Variants in CDH13 observed in about 807,000 individuals in gnomAD.
The protein encoded by CDH13 is cadherin 13.
A neutral mutation model predicts 63.8 loss-of-function variants in CDH13; 24 were observed. The observed-to-expected ratio is 0.38, with a 90% CI of 0.27 to 0.53. The LOEUF (loss-of-function observed/expected upper bound fraction) is 0.53, where lower values mean the gene tolerates loss of function less well. CDH13 is among the 20% of genes least tolerant of loss of function. CDH13 has a pLI of 0.85. For synonymous variants in CDH13, 503 were observed against 355.3 expected (o/e 1.42, Z -4.67); for missense variants, 1,049 against 903.1 (o/e 1.16, Z -2.07).
At position 83,019,863 on chromosome 16, in the gene CDH13, A is replaced by G. The variant is rs912766280; in HGVS notation, c.158-12147A>G. 1.3e-4 allele frequency among the ~76,000 whole-genome samples: 20 copies of G among 151,726 alleles called. 1 individual carries two copies. Among genetic ancestry groups the G allele is most frequent in the African/African-American group, 4.6e-4 (19 of 41,322 alleles). On this transcript the variant is annotated intron_variant, in intron 2 of 13. Transcript: ENST00000567109. ...AAAAAAAAAAAAAAAAACAATAAAA[A>G]CGATAGTATATTAAATATATAAACC...
intron 2 of CDH13, among the ~76,000 whole-genome samples, chr16:82,924,558 G>T (rs8050643): frequency 0.36 from 55,114 of 151,876 alleles, 11,006 homozygotes; most frequent in Non-Finnish European, 0.45. Flanking sequence ...TATCTGTGTT[G>T]TCAATCGTGT....
intron 1 of CDH13, among the ~76,000 whole-genome samples, chr16:82,680,263 A>T (rs981630558): frequency 6.6e-6 from 1 of 152,226 alleles, no homozygotes; most frequent in Non-Finnish European, 1.5e-5. Flanking sequence ...TACTGAGCAC[A>T]TCCTACATGT....
intron 1 of CDH13, among the ~76,000 whole-genome samples, chr16:82,658,118 G>A (rs1911510767): frequency 6.6e-6 from 1 of 152,134 alleles, no homozygotes; most frequent in Admixed American, 6.5e-5. Flanking sequence ...GTTATTATGA[G>A]TATTGATTTT....
chr16:82,974,175 G>T (rs1909175444), intron 2 of CDH13, among the ~76,000 whole-genome samples: 1 of 152,206 alleles, frequency 6.6e-6, no homozygotes, highest in Non-Finnish European at 1.5e-5. Flanking sequence ...CTGACCTCAA[G>T]TGATGCTCCC....
intron 5 of CDH13, among the ~76,000 whole-genome samples, chr16:83,249,270 A>T (rs538664800): frequency 6.6e-6 from 1 of 152,314 alleles, no homozygotes; most frequent in Non-Finnish European, 1.5e-5. Flanking sequence ...AGCTCATACC[A>T]GCTTTCGTGA....
At chr16:83,104,618 C>T (rs1478226213) in intron 3 of CDH13, among the ~76,000 whole-genome samples, 5 of 96,216 alleles carry the variant, frequency 5.2e-5, no homozygotes, top group Non-Finnish European at 1.0e-4. Context: ...ATGTACCAGG[C>T]GGTGGCGGGG....
intron 7 of CDH13, among the ~76,000 whole-genome samples, chr16:83,522,651 A>T (rs1449935665): frequency 6.6e-6 from 1 of 152,318 alleles, no homozygotes; most frequent in Non-Finnish European, 1.5e-5. Context: ...GTTCTTAAAC[A>T]CCTGCAGCGT....
chr16:82,717,879 G>A (rs561682534), intron 1 of CDH13, among the ~76,000 whole-genome samples: 1 of 152,214 alleles, frequency 6.6e-6, no homozygotes, highest in Admixed American at 6.5e-5. Context: ...GGGGGAAGTA[G>A]CCAGTTTATT....
intron 7 of CDH13, among the ~76,000 whole-genome samples, chr16:83,542,151 G>A (rs2075306555): frequency 6.6e-6 from 1 of 152,152 alleles, no homozygotes; most frequent in Non-Finnish European, 1.5e-5. Context: ...AAGACTCTCA[G>A]GTGAGGCCAT....
chr16:82,808,047 G>A (rs953462520), intron 1 of CDH13, among the ~76,000 whole-genome samples: 2 of 152,138 alleles, frequency 1.3e-5, no homozygotes, highest in Non-Finnish European at 2.9e-5. Context: ...GGCAAAATGG[G>A]GAGGAGAGAG....
intron 2 of CDH13, among the ~76,000 whole-genome samples, chr16:82,866,064 C>G (rs958657586): frequency 2.6e-5 from 4 of 152,158 alleles, no homozygotes; most frequent in Non-Finnish European, 5.9e-5. Flanking sequence ...AGTCTCTTTG[C>G]TAAAGTACAG....
At chr16:83,527,767 C>T (rs1016152704) in intron 7 of CDH13, among the ~76,000 whole-genome samples, 5 of 152,202 alleles carry the variant, frequency 3.3e-5, no homozygotes, top group East Asian at 1.9e-4. Context: ...GCACCTATTA[C>T]GGTTGTTGTT....
chr16:82,717,243 A>G (rs1466330841), intron 1 of CDH13, among the ~76,000 whole-genome samples: 1 of 151,996 alleles, frequency 6.6e-6, no homozygotes, highest in Non-Finnish European at 1.5e-5. Flanking sequence ...CACATAAAAA[A>G]TAAGGGTATG....
intron 7 of CDH13, among the ~76,000 whole-genome samples, chr16:83,490,875 C>T (rs1221349966): frequency 1.3e-5 from 2 of 152,180 alleles, no homozygotes; most frequent in Non-Finnish European, 2.9e-5. Context: ...GTTCGGAAAA[C>T]CCTACCAGAA....
intron 4 of CDH13, among the ~76,000 whole-genome samples, chr16:83,215,845 ATTGTT>A (rs1489471315): frequency 4.6e-5 from 7 of 152,092 alleles, no homozygotes; most frequent in Non-Finnish European, 5.9e-5. Context: ...TGACCTTTCA[ATTGTT>A]TTGTTATAAT....
chr16:83,240,304 A>G (rs1904316039), intron 5 of CDH13, among the ~76,000 whole-genome samples: 1 of 152,034 alleles, frequency 6.6e-6, no homozygotes, highest in South Asian at 2.1e-4. Context: ...AGGGCCTTGG[A>G]AACTTTGCAT....
intron 3 of CDH13, among the ~76,000 whole-genome samples, chr16:83,072,507 C>A (rs1460680648): frequency 6.6e-6 from 1 of 152,130 alleles, no homozygotes; most frequent in Non-Finnish European, 1.5e-5. Context: ...CTGCAACCAG[C>A]TGGGAAGAAT....
At chr16:83,747,541 G>T (rs1401437680) in intron 10 of CDH13, among the ~76,000 whole-genome samples, 1 of 151,756 alleles carries the variant, frequency 6.6e-6, no homozygotes, top group East Asian at 1.9e-4. Flanking sequence ...TGTGAAGATG[G>T]ACTAATACAA....
rs200091764 is a variant in CDH13, at chr16:83,602,561, A to G, written c.1068A>G (p.Lys356=). The G allele has an allele frequency of 3.7e-6, 6 of 1,614,036 alleles. No individual in the cohort carries two copies. The change falls in exon 8 of 14, where the codon AAA becomes AAG. Residue 356 remains lysine (K), a synonymous_variant. Transcript: ENST00000567109. ...CAGCCACGATCATGATCGATGACAA[A>G]AATGATCACTCACCAAAATTCACCA... ...TATATIMIDD[K]NDHSPKFTKK...
Sources: gnomAD v4.1 joint callset for allele counts (sites outside exome capture counted in the v4.1 genomes callset) on GRCh38, gnomAD v4.1.1 for gene constraint, MANE v1.5 for transcripts, NCBI Gene and HGNC (gene_info 2026-07-23, HGNC 2026-07-21) for gene names.